Variants in EHMT1 observed in about 807,000 individuals in gnomAD.
EHMT1 encodes the protein euchromatic histone lysine methyltransferase 1, also known as histone-lysine N-methyltransferase EHMT1.
EHMT1 carries 15 observed loss-of-function variants against 147.2 expected under a neutral mutation model. That is an observed-to-expected ratio of 0.10 (90% CI 0.07 to 0.16). The LOEUF (loss-of-function observed/expected upper bound fraction) is 0.16, where lower values mean the gene tolerates loss of function less well. Ranked by LOEUF, EHMT1 falls within the 10% of genes least tolerant of loss-of-function variation. The pLI, the probability that EHMT1 is intolerant of heterozygous loss-of-function variation, is 1.00. For missense variants in EHMT1, 1,587 were observed against 1,772.4 expected (o/e 0.90, Z 1.88); for synonymous variants, 795 against 709.6 (o/e 1.12, Z -1.91).
Position 137,716,732 on chromosome 9 carries a change from C to CAGTCAT in EHMT1, c.193_198dup (p.Ser65_His66dup), listed in dbSNP as rs756643740. 4.3e-6 allele frequency: 7 copies of CAGTCAT among 1,612,284 alleles called. No homozygotes were observed. The Admixed American group carries it at 1.2e-4, about 27-fold the overall frequency. ...GGTCTTGTGAAAACAGCGATGCCAG[C>CAGTCAT]AGTCATGCAAATGCTGCAAAGCACA... On this transcript the variant is annotated inframe_insertion, in exon 3 of 27. Transcript: ENST00000460843.
intron 1 of EHMT1, among the ~76,000 whole-genome samples, chr9:137,624,709 G>T (rs1274904449): frequency 6.6e-6 from 1 of 151,742 alleles, no homozygotes; most frequent in Non-Finnish European, 1.5e-5. Flanking sequence ...TGATCCATCC[G>T]CCTCAGCCTC....
intron 4 of EHMT1, among the ~76,000 whole-genome samples, chr9:137,739,350 A>G (rs940049675): frequency 1.9e-4 from 27 of 145,806 alleles, no homozygotes; most frequent in Admixed American, 9.4e-4. Context: ...AGCCAGACTC[A>G]GTCTCAAAAA....
chr9:137,678,534 C>T (rs962192806), intron 1 of EHMT1, among the ~76,000 whole-genome samples: 6 of 152,150 alleles, frequency 3.9e-5, no homozygotes, highest in African/African-American at 7.2e-5. Flanking sequence ...GTGTTCCTGT[C>T]TCGCCGCGTT....
chr9:137,672,327 C>T (rs1046836083), intron 1 of EHMT1, among the ~76,000 whole-genome samples: 2 of 151,660 alleles, frequency 1.3e-5, no homozygotes, highest in Non-Finnish European at 1.5e-5. Flanking sequence ...AACTTGATGC[C>T]ATTTTCATAA....
rs10118860 is a variant in EHMT1, at chr9:137,715,879, C to G, written c.86-747C>G. The G allele has an allele frequency of 0.013, 12,687 of 972,110 alleles. 1,030 individuals are homozygous for G. In the African/African-American group the frequency reaches 0.18, roughly 14 times the overall value. The allele number at this position is 972,110 out of a possible 1,614,324, so 60.2% of individuals were successfully genotyped here. On this transcript the variant is annotated intron_variant, in intron 2 of 26. Transcript: ENST00000460843. ...TTTATTATAGCAGTGATTCCCCAAA[C>G]TTAACCAACTAACGTTCAACGTTAA...
chr9:137,648,218 A>G (rs1182282312), intron 1 of EHMT1, among the ~76,000 whole-genome samples: 3 of 152,208 alleles, frequency 2.0e-5, no homozygotes, highest in Non-Finnish European at 4.4e-5. Context: ...GCAAAATCGT[A>G]AGAGACCATA....
chr9:137,779,340 G>A (rs1490992442), intron 13 of EHMT1, among the ~76,000 whole-genome samples: 2 of 152,252 alleles, frequency 1.3e-5, no homozygotes, highest in African/African-American at 4.8e-5. Flanking sequence ...TGGTTCTGTC[G>A]TCGTGTTGTG....
At chr9:137,718,465 C>A (rs1169841343) in intron 3 of EHMT1, among the ~76,000 whole-genome samples, 1 of 152,226 alleles carries the variant, frequency 6.6e-6, no homozygotes, top group Non-Finnish European at 1.5e-5. Context: ...TGCTCTTTCC[C>A]CTCAGCCACT....
At chr9:137,740,653 A>G (rs550474915) in intron 4 of EHMT1, among the ~76,000 whole-genome samples, 8 of 146,956 alleles carry the variant, frequency 5.4e-5, no homozygotes, top group South Asian at 2.1e-4. Flanking sequence ...AAAGTCATCC[A>G]TAGATGTTTC....
At chr9:137,683,862 C>T (rs1159788191) in intron 1 of EHMT1, among the ~76,000 whole-genome samples, 4 of 151,970 alleles carry the variant, frequency 2.6e-5, no homozygotes, top group Non-Finnish European at 5.9e-5. Flanking sequence ...AATGTCCCTA[C>T]CTACCCCCTC....
At chr9:137,714,483 T>C (rs974007069) in intron 2 of EHMT1, among the ~76,000 whole-genome samples, 2 of 152,076 alleles carry the variant, frequency 1.3e-5, no homozygotes, top group Non-Finnish European at 2.9e-5. Flanking sequence ...AAATTCCACT[T>C]GTTCATGGTT....
rs754125586 is a variant in EHMT1, at chr9:137,813,490, C to T, written c.3140C>T (p.Thr1047Met). Residue 1047 changes from threonine (T) to methionine (M), a missense_variant, in exon 21 of 27, where the codon ACG becomes ATG. This residue lies in a region of EHMT1 where 156 missense variants were observed against 252.5 expected (regional missense o/e 0.62). Transcript: ENST00000460843. This position sits in a 1 kb window ranked among gnomAD's most constrained non-coding sequence, Gnocchi z 4.9. ...NYKYVSQNCV[T>M]SPMNIDRNIT... is the part of the protein sequence containing the mutation. ...AAGTACGTCTCTCAGAACTGCGTGA[C>T]GTCCCCCATGAACATCGACAGAAAT... The T allele has an allele frequency of 6.2e-7, 1 of 1,613,948 alleles. No individual in the cohort carries two copies. Among genetic ancestry groups the T allele is most frequent in the Admixed American group, 1.7e-5 (1 of 60,004 alleles).
At position 137,828,607 on chromosome 9, in the gene EHMT1, C is replaced by G. The variant is rs1955983567; in HGVS notation, c.3541-5742C>G. 6.6e-6 allele frequency among the ~76,000 whole-genome samples: 1 copy of G among 152,128 alleles called. No homozygotes were observed. Among genetic ancestry groups the G allele is most frequent in the African/African-American group, 2.4e-5 (1 of 41,412 alleles). On this transcript the variant is annotated intron_variant, in intron 25 of 26. Transcript: ENST00000460843. The surrounding 1 kb of genome is among the most constrained non-coding windows in gnomAD (Gnocchi z 5.3). The stretch of plus-strand genomic sequence containing the variant: ...GCGGGGTGGGGGAGGTACCACGTCT[C>G]CCGGGCAGCCACAGATCCCACACTC...
At chr9:137,784,225 C>G (rs1951786414) in intron 15 of EHMT1, 1 of 1,544,614 alleles carries the variant, frequency 6.5e-7, no homozygotes, top group Non-Finnish European at 8.8e-7. Context: ...CCAGCACAGC[C>G]TTGCTGTGGA....
At chr9:137,737,262 A>G (rs768405487) in intron 4 of EHMT1, among the ~76,000 whole-genome samples, 3 of 152,240 alleles carry the variant, frequency 2.0e-5, no homozygotes, top group Non-Finnish European at 4.4e-5. Context: ...AAAACTTACT[A>G]CAAAGCTATA....
intron 1 of EHMT1, among the ~76,000 whole-genome samples, chr9:137,626,599 C>T (rs1350611845): frequency 1.3e-5 from 2 of 150,386 alleles, no homozygotes; most frequent in Non-Finnish European, 3.0e-5. Context: ...TCTTTGCTGT[C>T]TTATCTCTTA....
intron 1 of EHMT1, among the ~76,000 whole-genome samples, chr9:137,624,518 A>G (rs1200559895): frequency 6.6e-6 from 1 of 151,942 alleles, no homozygotes; most frequent in African/African-American, 2.4e-5. Context: ...GTTTCGCCAT[A>G]TCGGCCAGGC....
intron 1 of EHMT1, chr9:137,666,100 TCTAGGCTGG>T (rs1939617018): frequency 6.6e-6 from 1 of 152,332 alleles, no homozygotes; most frequent in South Asian, 2.1e-4. Flanking sequence ...CATTGGTGCT[TCTAGGCTGG>T]GGCCAGGGCC....
chr9:137,665,916 A>G (rs925053709), intron 1 of EHMT1: 1 of 152,238 alleles, frequency 6.6e-6, no homozygotes, highest in African/African-American at 2.4e-5. Flanking sequence ...GCTCTGGAGC[A>G]TGCCCAGTGC....
Sources: allele counts gnomAD v4.1 joint callset (sites outside exome capture counted in the v4.1 genomes callset), GRCh38; gene constraint gnomAD v4.1.1; regional missense constraint gnomAD v4.1.1; non-coding constraint Gnocchi (gnomAD v3.1); transcripts MANE v1.5; gene names NCBI Gene and HGNC (gene_info 2026-07-23, HGNC 2026-07-21).